The following TRMT10B variants were observed in gnomAD, a reference collection of about 807,000 sequenced individuals.
TRMT10B encodes tRNA methyltransferase 10 homolog B.
In TRMT10B, 33 loss-of-function variants were observed where a neutral mutation model predicts 43.8. The observed-to-expected ratio is 0.75, with a 90% CI of 0.57 to 1.01. TRMT10B has a LOEUF of 1.01. Among genes scored for constraint, TRMT10B ranks in the 50% least tolerant of loss-of-function variants. The probability of loss-of-function intolerance (pLI) is 0.00; values close to 1 mark genes in which losing one functional copy is unlikely to be tolerated. For synonymous variants in TRMT10B, 137 were observed against 130.6 expected, an observed-to-expected ratio of 1.05 and a Z score of -0.34; for missense variants, 362 against 369.8, an observed-to-expected ratio of 0.98 and a Z score of 0.17.
chr9:37,757,075 A>G (rs576766139), intron 1 of TRMT10B, among the ~76,000 whole-genome samples: 2 of 151,942 alleles, frequency 1.3e-5, no homozygotes, highest in South Asian at 4.2e-4. Flanking sequence ...AATGTTTAAG[A>G]ATAGCTTGGA....
intron 3 of TRMT10B, 47 bp from the exon 4 acceptor site, chr9:37,763,582 T>C (rs1373267882): frequency 1.3e-6 from 2 of 1,549,304 alleles, no homozygotes; most frequent in Admixed American, 3.4e-5. Flanking sequence ...TTATATAATA[T>C]TCCTCTGGTT....
At chr9:37,777,446 G>C (rs1454229779) in intron 8 of TRMT10B, among the ~76,000 whole-genome samples, 155 bp from the exon 9 acceptor site, 1 of 151,122 alleles carries the variant, frequency 6.6e-6, no homozygotes, top group Non-Finnish European at 1.5e-5. Flanking sequence ...TTGAGAGCAA[G>C]CAGAGCCTGT....
intron 5 of TRMT10B, 175 bp from the exon 6 acceptor site, chr9:37,769,766 A>G (rs1451297120): frequency 3.2e-6 from 2 of 619,924 alleles, no homozygotes; most frequent in Admixed American, 5.2e-5. Context: ...ATGCCTGGCT[A>G]ATTTTTTTGT....
intron 4 of TRMT10B, chr9:37,767,229 T>C (rs973391833): frequency 1.4e-4 from 22 of 152,096 alleles, no homozygotes; most frequent in African/African-American, 5.3e-4. Context: ...AATTCCCTAC[T>C]ATTAGGCTGG....
chr9:37,776,315 G>A lies in TRMT10B; in HGVS notation c.754G>A (p.Val252Ile), dbSNP rs746465272. ...ATTTCAAAAGGCCCGGGAATACTCT[G>A]TCAAGACCGCACGCTTGCCAATCCA... is the stretch of plus-strand genomic sequence containing the variant. ...VTFQKAREYS[V>I]KTARLPIQEY... is the part of the protein sequence containing the mutation. The change falls in exon 8 of 9, where the codon GTC becomes ATC. Residue 252 changes from valine (V) to isoleucine (I), a missense_variant. Physicochemically the swap from Val to Ile is conservative, Grantham distance 29. Transcript: ENST00000297994. 3.7e-6 allele frequency: 6 copies of A among 1,607,842 alleles called. No individual in the cohort carries two copies. Among genetic ancestry groups the A allele is most frequent in the East Asian group, 2.3e-5 (1 of 44,366 alleles).
chr9:37,775,258 A>C lies in TRMT10B; in HGVS notation c.721-1024A>C, dbSNP rs554371774. On this transcript the variant is annotated intron_variant, in intron 7 of 8. Transcript: ENST00000297994. The stretch of plus-strand genomic sequence containing the variant: ...AGACAATGAATGGGTGGTTAGAGTG[A>C]TACAGTTAACACTATTGAGACCCCT... Among the ~76,000 whole-genome samples, 6 of 152,352 alleles carry C rather than the reference A, an allele frequency of 3.9e-5. No homozygotes were observed. The South Asian group carries it at 1.2e-3, about 32-fold the overall frequency.
At chr9:37,761,420 T>C (rs10973526) in intron 1 of TRMT10B, among the ~76,000 whole-genome samples, 79,178 of 152,072 alleles carry the variant, frequency 0.52, 20,955 homozygotes, top group Middle Eastern at 0.57. Flanking sequence ...TATCTGGGGC[T>C]GGGTGCAGTG....
intron 7 of TRMT10B, 152 bp from the exon 8 acceptor site, chr9:37,776,130 A>T: frequency 1.5e-6 from 1 of 650,512 alleles, no homozygotes; most frequent in Non-Finnish European, 2.3e-6. Flanking sequence ...CCAAAAAGTA[A>T]GATATTGTCA....
chr9:37,760,088 C>T (rs953050800), intron 1 of TRMT10B, among the ~76,000 whole-genome samples: 8 of 152,020 alleles, frequency 5.3e-5, no homozygotes, highest in South Asian at 4.1e-4. Flanking sequence ...CACTTTGGGA[C>T]GCCGAGGTGG....
At chr9:37,752,957 T>C (rs943679018), upstream of TRMT10B, among the ~76,000 whole-genome samples, 2 of 151,994 alleles carry the variant, frequency 1.3e-5, no homozygotes, top group Non-Finnish European at 2.9e-5. Context: ...TTGTAATAAA[T>C]CTTGTTGCTT....
intron 2 of TRMT10B, 140 bp from the exon 3 acceptor site, chr9:37,762,437 G>A (rs1048707100): frequency 4.8e-6 from 6 of 1,242,346 alleles, no homozygotes; most frequent in Non-Finnish European, 6.6e-6. Context: ...ATCCAGTCTA[G>A]GTTTGTTTTT....
In TRMT10B at chr9:37,767,928, C is replaced by T. The variant is rs1827165519; in HGVS notation, c.421-148C>T. 4.5e-6 allele frequency: 3 copies of T among 667,208 alleles called. No individual in the cohort carries two copies. In the East Asian group the frequency reaches 8.2e-5, roughly 18 times the overall value. 41.3% of individuals were successfully genotyped at this position (667,208 alleles called of 1,614,324 possible). A position where few individuals can be genotyped will look rare whatever the true frequency, so the allele number is the denominator to read the frequency against. Reference sequence around the variant, plus strand: ...ATCTTTTGTCTGTAAGGTGTGATGCCATAAGGTATAATACACGCACACATG... The same window carrying T: ...ATCTTTTGTCTGTAAGGTGTGATGCTATAAGGTATAATACACGCACACATG... On this transcript the variant is annotated intron_variant, in intron 4 of 8. Transcript: ENST00000297994.
intron 4 of TRMT10B, among the ~76,000 whole-genome samples, chr9:37,764,734 T>C (rs762132201): frequency 5.3e-5 from 8 of 152,168 alleles, no homozygotes; most frequent in African/African-American, 9.7e-5. Context: ...TCAATGTATG[T>C]GTTTTAATTG....
chr9:37,763,524 CAA>C (rs1826640481), intron 3 of TRMT10B, 103 bp from the exon 4 acceptor site: 3 of 931,088 alleles, frequency 3.2e-6, no homozygotes, highest in Admixed American at 4.7e-5. Context: ...ACATCAGTAT[CAA>C]GTTTCTCTTT....
chr9:37,765,109 ATTAT>A (rs1297873855), intron 4 of TRMT10B, among the ~76,000 whole-genome samples: 3 of 152,080 alleles, frequency 2.0e-5, no homozygotes, highest in African/African-American at 7.2e-5. Flanking sequence ...AAAGTATTTA[ATTAT>A]TTATTATTAA....
At chr9:37,763,171 A>C (rs866962148) in intron 3 of TRMT10B, among the ~76,000 whole-genome samples, 4 of 147,772 alleles carry the variant, frequency 2.7e-5, no homozygotes, top group African/African-American at 9.9e-5. Flanking sequence ...AAAAACAAAA[A>C]AAAAAATTTA....
intron 7 of TRMT10B, among the ~76,000 whole-genome samples, chr9:37,771,582 C>A (rs148713152): frequency 1.3e-5 from 2 of 152,146 alleles, no homozygotes; most frequent in African/African-American, 4.8e-5. Flanking sequence ...ATCTAAAATA[C>A]GAGCAGGGGC....
At chr9:37,752,933 G>A (rs1035662082), upstream of TRMT10B, among the ~76,000 whole-genome samples, 11 of 151,838 alleles carry the variant, frequency 7.2e-5, no homozygotes, top group Admixed American at 4.6e-4. Context: ...TCTGGACTGT[G>A]GGTGCTTTGT....
intron 1 of TRMT10B, among the ~76,000 whole-genome samples, chr9:37,757,501 A>C (rs1825850232): frequency 6.6e-6 from 1 of 152,232 alleles, no homozygotes; most frequent in African/African-American, 2.4e-5. Flanking sequence ...AAGGATTTCT[A>C]AGCAGAAATA....
Sources: gnomAD v4.1 joint callset for allele counts (sites outside exome capture counted in the v4.1 genomes callset) on GRCh38, gnomAD v4.1.1 for gene constraint, MANE v1.5 for transcripts, NCBI Gene and HGNC (gene_info 2026-07-23, HGNC 2026-07-21) for gene names.